The following CTDP1 variants were observed in gnomAD, a reference collection of about 807,000 sequenced individuals.
CTDP1 encodes RNA polymerase II subunit A C-terminal domain phosphatase.
CTDP1 carries 47 observed loss-of-function variants against 91.8 expected under a neutral mutation model. That is an observed-to-expected ratio of 0.51 (90% CI 0.41 to 0.65). CTDP1 has a LOEUF of 0.65. Among genes scored for constraint, CTDP1 ranks in the 30% least tolerant of loss-of-function variants. CTDP1 has a pLI of 0.00. For missense variants in CTDP1, 1,272 were observed against 1,373.7 expected (o/e 0.93, Z 1.17); for synonymous variants, 656 against 598.5 (o/e 1.10, Z -1.40).
Position 79,689,191 on chromosome 18 carries a change from C to G in CTDP1, c.315-6034C>G, listed in dbSNP as rs893038416. Among the ~76,000 whole-genome samples, 7 of 152,298 alleles carry G rather than the reference C, an allele frequency of 4.6e-5. No homozygotes were observed. In the East Asian group the frequency reaches 7.7e-4, roughly 17 times the overall value. On this transcript the variant is annotated intron_variant, in intron 1 of 12. Transcript: ENST00000613122. ...TCTTTCTTTCTTTCTGTATCATTGCCTGGTTTAGTAGGACATCCCTCAGTT... is the reference window on the plus strand; with the variant it reads ...TCTTTCTTTCTTTCTGTATCATTGCGTGGTTTAGTAGGACATCCCTCAGTT...
chr18:79,702,109 C>A (rs1206440539), intron 4 of CTDP1, among the ~76,000 whole-genome samples: 1 of 152,216 alleles, frequency 6.6e-6, no homozygotes, highest in Non-Finnish European at 1.5e-5. Flanking sequence ...GAAAGCAGTT[C>A]TTCTGTGGGT....
intron 5 of CTDP1, among the ~76,000 whole-genome samples, chr18:79,709,265 GA>G (rs1365105818): frequency 1.3e-5 from 2 of 152,170 alleles, no homozygotes; most frequent in African/African-American, 4.8e-5. Flanking sequence ...AAACTAACAA[GA>G]GATAACTTAT....
intron 5 of CTDP1, among the ~76,000 whole-genome samples, chr18:79,705,934 A>G (rs1568187428): frequency 6.6e-6 from 1 of 152,246 alleles, no homozygotes; most frequent in African/African-American, 2.4e-5. Flanking sequence ...GATGATGTGA[A>G]GACGAGTAAT....
At chr18:79,733,729 G>T (rs929371255) in intron 11 of CTDP1, among the ~76,000 whole-genome samples, 1 of 152,068 alleles carries the variant, frequency 6.6e-6, no homozygotes, top group African/African-American at 2.4e-5. Context: ...CTTGTTTCCC[G>T]TCCTCTCTCT....
intron 4 of CTDP1, 99 bp from the exon 5 acceptor site, chr18:79,704,668 A>G: frequency 1.3e-6 from 2 of 1,492,648 alleles, no homozygotes; most frequent in Non-Finnish European, 1.8e-6. Context: ...TCTGGGGCAC[A>G]CGTGTGTTCT....
At chr18:79,681,226 G>A (rs1159078912) in intron 1 of CTDP1, among the ~76,000 whole-genome samples, 1 of 152,226 alleles carries the variant, frequency 6.6e-6, no homozygotes, top group East Asian at 1.9e-4. Flanking sequence ...GCCCCAGAAC[G>A]TCCTGGCTCC....
At chr18:79,720,676 CG>C (rs2086326131) in intron 10 of CTDP1, among the ~76,000 whole-genome samples, 1 of 152,216 alleles carries the variant, frequency 6.6e-6, no homozygotes, top group African/African-American at 2.4e-5. Context: ...CTTCCTGTTG[CG>C]GGCTGGTTGG....
Position 79,704,295 on chromosome 18 carries a change from C to T in CTDP1, c.622-472C>T, listed in dbSNP as rs985286451. Among the ~76,000 whole-genome samples, 5 of 152,304 alleles carry T rather than the reference C, an allele frequency of 3.3e-5. No homozygotes were observed. The South Asian group carries it at 1.0e-3, about 32-fold the overall frequency. On this transcript the variant is annotated intron_variant, in intron 4 of 12. Coordinates refer to ENST00000613122, the MANE Select transcript of CTDP1 (RefSeq NM_004715.5). Reference sequence around the variant, plus strand: ...TGTCCCACGTGGAGAGGTGTGTGCACACTCCTATCCCCTGTCCCATGTGGA... The same window carrying T: ...TGTCCCACGTGGAGAGGTGTGTGCATACTCCTATCCCCTGTCCCATGTGGA...
chr18:79,753,678 A>T lies in CTDP1; in HGVS notation c.2774A>T (p.Glu925Val). The T allele has an allele frequency of 6.2e-7, 1 of 1,614,166 alleles. No individual in the cohort carries two copies. Among genetic ancestry groups the T allele is most frequent in the Non-Finnish European group, 8.5e-7 (1 of 1,180,018 alleles). ...PRGHKRKLNEEDAASESSRES... is the reference protein window; with the variant it reads ...PRGHKRKLNEVDAASESSRES... ...GGCCACAAGAGGAAGCTGAATGAAG[A>T]GGACGCCGCCAGCGAGTCCAGCAGG... is the stretch of plus-strand genomic sequence containing the variant. The change falls in exon 13 of 13, where the codon GAG becomes GTG. Residue 925 changes from glutamate to valine, a missense_variant. By Grantham distance (121) the Glu-to-Val change is moderately radical (BLOSUM62 -2). Coordinates refer to ENST00000613122, the MANE Select transcript of CTDP1 (RefSeq NM_004715.5).
At chr18:79,723,139 A>G (rs370072239) in intron 10 of CTDP1, among the ~76,000 whole-genome samples, 2 of 152,194 alleles carry the variant, frequency 1.3e-5, no homozygotes, top group African/African-American at 4.8e-5. Context: ...CGCTTGCAAC[A>G]GCACTGGTGC....
chr18:79,742,813 C>A (rs562263860), intron 12 of CTDP1, among the ~76,000 whole-genome samples: 16 of 152,108 alleles, frequency 1.1e-4, no homozygotes, highest in South Asian at 1.0e-3. Context: ...CAAAAATTAG[C>A]TGGGCATGGT....
rs1159536295 is a variant in CTDP1, at chr18:79,726,775, GC to G, written c.2418-2131del. Reference sequence around the variant, plus strand: ...TGTGGGGGATGGGGGTGACACCATTGCTGGTGGACGGCTGTGGGGGAAGGGG... The same window carrying G: ...TGTGGGGGATGGGGGTGACACCATTGTGGTGGACGGCTGTGGGGGAAGGGG... On this transcript the variant is annotated intron_variant, in intron 10 of 12. Coordinates refer to ENST00000613122, the MANE Select transcript of CTDP1 (RefSeq NM_004715.5). 1.8e-3 allele frequency among the ~76,000 whole-genome samples: 260 copies of G among 146,792 alleles called. 7 individuals carry two copies. Among genetic ancestry groups the G allele is most frequent in the African/African-American group, 5.8e-3 (230 of 39,678 alleles).
chr18:79,677,684 G>A (rs1030170342), upstream of CTDP1: 1 of 152,222 alleles, frequency 6.6e-6, no homozygotes, highest in East Asian at 1.9e-4. Flanking sequence ...ATCATCCAGT[G>A]GTCTGTAAAT....
rs535898992 is a variant in CTDP1 at position 79,706,710 on chromosome 18, C to G, written c.772+1793C>G. Among the ~76,000 whole-genome samples the G allele has an allele frequency of 1.1e-4, 16 of 152,322 alleles. No homozygotes were observed. The East Asian group carries it at 3.1e-3, about 29-fold the overall frequency. On this transcript the variant is annotated intron_variant, in intron 5 of 12. Coordinates refer to ENST00000613122, the MANE Select transcript of CTDP1 (RefSeq NM_004715.5). The stretch of plus-strand genomic sequence containing the variant: ...TTTATGTAAGATTTTTTTCCCTCCT[C>G]TGTGGACTGGATCCTCTGGGTGAGT...
chr18:79,696,467 G>A (rs1032866635), intron 3 of CTDP1, among the ~76,000 whole-genome samples: 1 of 152,164 alleles, frequency 6.6e-6, no homozygotes, highest in South Asian at 2.1e-4. Context: ...TGGATGACCC[G>A]GGAGGGCAAA....
downstream of CTDP1, chr18:79,754,669 TCGCCTC>T (rs2087069033): frequency 6.6e-6 from 1 of 152,264 alleles, no homozygotes; most frequent in African/African-American, 2.4e-5. Context: ...TCTCAGGGTT[TCGCCTC>T]TGAGCATAAG....
intron 12 of CTDP1, among the ~76,000 whole-genome samples, chr18:79,751,948 C>T (rs2087011195): frequency 6.6e-6 from 1 of 152,230 alleles, no homozygotes; most frequent in African/African-American, 2.4e-5. Flanking sequence ...GGCTCAGTTG[C>T]CCCTAATCAG....
chr18:79,698,804 G>A (rs920946687), intron 4 of CTDP1, among the ~76,000 whole-genome samples: 1 of 152,208 alleles, frequency 6.6e-6, no homozygotes, highest in Non-Finnish European at 1.5e-5. Flanking sequence ...GGTCCCAATA[G>A]CAGACACCCA....
chr18:79,728,099 T>C (rs899323992), intron 10 of CTDP1, among the ~76,000 whole-genome samples: 2 of 152,140 alleles, frequency 1.3e-5, no homozygotes, highest in African/African-American at 4.8e-5. Flanking sequence ...TTTTCTGTTT[T>C]TTCGTGAATT....
Sources: gnomAD v4.1 joint callset for allele counts (sites outside exome capture counted in the v4.1 genomes callset) on GRCh38, gnomAD v4.1.1 for gene constraint, MANE v1.5 for transcripts, NCBI Gene and HGNC (gene_info 2026-07-23, HGNC 2026-07-21) for gene names.